The following OR2C3 variants were observed in gnomAD, a reference collection of about 807,000 sequenced individuals.
OR2C3 encodes the protein olfactory receptor family 2 subfamily C member 3, also known as olfactory receptor 2C3.
For missense variants in OR2C3, 425 were observed against 401.5 expected (o/e 1.06, Z -0.50); for synonymous variants, 178 against 163.4 (o/e 1.09, Z -0.68).
chr1:247,531,626 T>C lies in OR2C3; in HGVS notation c.886A>G (p.Thr296Ala), dbSNP rs1666960574. The C allele has an allele frequency of 6.2e-7, 1 of 1,613,998 alleles. No individual in the cohort carries two copies. Among genetic ancestry groups the C allele is most frequent in the African/African-American group, 1.3e-5 (1 of 74,910 alleles). ...LNPLIYTLRNTEVKSALRHMV... is the reference protein window; with the variant it reads ...LNPLIYTLRNAEVKSALRHMV... ...TGCCGGAGGGCGCTCTTCACCTCCG[T>C]GTTCCTCAGGGTGTAAATAAGTGGG... The change falls in exon 3 of 3, where the codon ACG (threonine) becomes GCG (alanine). Residue 296 changes from threonine to alanine, a missense_variant. By Grantham distance (58) the Thr-to-Ala change is moderately conservative. Coordinates refer to ENST00000641802, the MANE Select transcript of OR2C3 (RefSeq NM_198074.6).
At position 247,533,550 on chromosome 1, in the gene OR2C3, T is replaced by C. The variant is rs553292791; in HGVS notation, c.-73A>G. 13 of 152,350 alleles carry C rather than the reference T, an allele frequency of 8.5e-5. No individual in the cohort carries two copies. Among genetic ancestry groups the C allele is most frequent in the African/African-American group, 3.1e-4 (13 of 41,574 alleles). 9.4% of individuals were successfully genotyped at this position (152,350 alleles called of 1,614,324 possible). A position where few individuals can be genotyped will look rare whatever the true frequency, so the allele number is the denominator to read the frequency against. Reference sequence around the variant, plus strand: ...ATAAGACCTCCATTCCAGAGAGGTCTTATTGCATACCAAGAAAAAAGGAAC... The same window carrying C: ...ATAAGACCTCCATTCCAGAGAGGTCCTATTGCATACCAAGAAAAAAGGAAC... On this transcript the variant is annotated 5_prime_UTR_variant, in exon 2 of 3. An upstream open reading frame in the 5' UTR loses its in-frame stop. Coordinates refer to ENST00000641802, the MANE Select transcript of OR2C3 (RefSeq NM_198074.6).
In OR2C3 at chr1:247,529,576, G is replaced by A. The variant is rs1666824607; in HGVS notation, c.*1973C>T. On this transcript the variant is annotated 3_prime_UTR_variant, in exon 3 of 3. Coordinates refer to ENST00000641802, the MANE Select transcript of OR2C3 (RefSeq NM_198074.6). ...GACATGAGAGTGTCTCGTACATGAT[G>A]CATAATAATCCAGTTGAAGAATGTT... 2 of 152,176 alleles carry A rather than the reference G, an allele frequency of 1.3e-5. No homozygotes were observed. The highest frequency in any genetic ancestry group is 2.1e-4 in the South Asian group (1 of 4,814). 9.4% of individuals were successfully genotyped at this position (152,176 alleles called of 1,614,324 possible).
At chr1:247,534,520 A>T (rs1667138216) in intron 1 of OR2C3, among the ~76,000 whole-genome samples, 1 of 152,222 alleles carries the variant, frequency 6.6e-6, no homozygotes, top group Non-Finnish European at 1.5e-5. Context: ...AACGAGCACG[A>T]TTTAGCAGGG....
In OR2C3 at chr1:247,532,133, T is replaced by C; in HGVS notation, c.379A>G (p.Ile127Val). 6.2e-7 allele frequency: 1 copy of C among 1,614,054 alleles called. No homozygotes were observed. The highest frequency in any genetic ancestry group is 8.5e-7 in the Non-Finnish European group (1 of 1,179,998). Residue 127 changes from isoleucine to valine, a missense_variant, in exon 3 of 3, where the codon ATC becomes GTC. Ile to Val is a conservative substitution (Grantham distance 29). Transcript: ENST00000641802. ...ACAGTGTAATGGAGTGGCCTGCAGA[T>C]GGCAGCGTAGCGGTCATAGGACATG... is the stretch of plus-strand genomic sequence containing the variant. ...ATMSYDRYAA[I>V]CRPLHYTVIM...
In OR2C3 at chr1:247,533,783, CAAAT is replaced by C. The variant is rs1478161402; in HGVS notation, c.-310_-307del. ...CTCCTCTGTTATGTAAAACTATGATCAAATAAATGTGTATGTCTTTTCTCCTATG... is the reference window on the plus strand; with the variant it reads ...CTCCTCTGTTATGTAAAACTATGATCAAATGTGTATGTCTTTTCTCCTATG... On this transcript the variant is annotated 5_prime_UTR_variant, in exon 2 of 3. Transcript: ENST00000641802. 1 of 152,190 alleles carries C rather than the reference CAAAT, an allele frequency of 6.6e-6. No homozygotes were observed. The highest frequency in any genetic ancestry group is 1.5e-5 in the Non-Finnish European group (1 of 68,034). 9.4% of individuals were successfully genotyped at this position (152,190 alleles called of 1,614,324 possible).
Position 247,524,781 on chromosome 1 carries a change from G to A in OR2C3, c.*6768C>T, listed in dbSNP as rs1306258015. 6.6e-6 allele frequency: 1 copy of A among 152,022 alleles called. No individual in the cohort carries two copies. Among genetic ancestry groups the A allele is most frequent in the Non-Finnish European group, 1.5e-5 (1 of 67,992 alleles). The allele number at this position is 152,022 out of a possible 1,614,324, so 9.4% of individuals were successfully genotyped here. A position where few individuals can be genotyped will look rare whatever the true frequency, so the allele number is the denominator to read the frequency against. ...AGCAAAAGGATAAAACGTCCCACTAGAAAAACGATTCAACACTTATATGAT... is the reference window on the plus strand; with the variant it reads ...AGCAAAAGGATAAAACGTCCCACTAAAAAAACGATTCAACACTTATATGAT... On this transcript the variant is annotated 3_prime_UTR_variant, in exon 3 of 3. Transcript: ENST00000641802.
At position 247,530,373 on chromosome 1, in the gene OR2C3, A is replaced by G. The variant is rs771851686; in HGVS notation, c.*1176T>C. ...TAGGACTCGTTTGTCCTTTAGATACACTGTATACATAGATAAGTAAAACAA... is the reference window on the plus strand; with the variant it reads ...TAGGACTCGTTTGTCCTTTAGATACGCTGTATACATAGATAAGTAAAACAA... On this transcript the variant is annotated 3_prime_UTR_variant, in exon 3 of 3. Coordinates refer to ENST00000641802, the MANE Select transcript of OR2C3 (RefSeq NM_198074.6). 2 of 152,100 alleles carry G rather than the reference A, an allele frequency of 1.3e-5. No individual in the cohort carries two copies. Among genetic ancestry groups the G allele is most frequent in the African/African-American group, 4.8e-5 (2 of 41,398 alleles). 9.4% of individuals were successfully genotyped at this position (152,100 alleles called of 1,614,324 possible).
intron 1 of OR2C3, among the ~76,000 whole-genome samples, chr1:247,534,990 C>T (rs1173117372): frequency 6.6e-6 from 1 of 152,078 alleles, no homozygotes; most frequent in Non-Finnish European, 1.5e-5. Context: ...AGAAGGCATC[C>T]TGGAGAATAC....
At position 247,530,272 on chromosome 1, in the gene OR2C3, T is replaced by C. The variant is rs969083469; in HGVS notation, c.*1277A>G. 6.6e-6 allele frequency: 1 copy of C among 152,226 alleles called. No homozygotes were observed. The highest frequency in any genetic ancestry group is 2.4e-5 in the African/African-American group (1 of 41,450). The allele number at this position is 152,226 out of a possible 1,614,324, so 9.4% of individuals were successfully genotyped here. Reference sequence around the variant, plus strand: ...GCAGAGAATGAGGTTACTCTATTGATAGAGGTGAACTCTAGTGATAGGTTA... The same window carrying C: ...GCAGAGAATGAGGTTACTCTATTGACAGAGGTGAACTCTAGTGATAGGTTA... On this transcript the variant is annotated 3_prime_UTR_variant, in exon 3 of 3. Coordinates refer to ENST00000641802, the MANE Select transcript of OR2C3 (RefSeq NM_198074.6).
intron 1 of OR2C3, among the ~76,000 whole-genome samples, chr1:247,534,311 A>G (rs1667130217): frequency 6.6e-6 from 1 of 152,282 alleles, no homozygotes; most frequent in East Asian, 1.9e-4. Flanking sequence ...CCCTTAATCA[A>G]TATTCATGGA....
At position 247,530,526 on chromosome 1, in the gene OR2C3, C is replaced by CCG. The variant is rs1553302928; in HGVS notation, c.*1022_*1023insCG. The CCG allele has an allele frequency of 6.7e-6, 1 of 149,430 alleles. No homozygotes were observed. The highest frequency in any genetic ancestry group is 2.4e-5 in the African/African-American group (1 of 40,932). The allele number at this position is 149,430 out of a possible 1,614,324, so 9.3% of individuals were successfully genotyped here. A position where few individuals can be genotyped will look rare whatever the true frequency, so the allele number is the denominator to read the frequency against. Reference sequence around the variant, plus strand: ...CACAAACACCATGCCATCCCCCCCCCACAAAATAACATTTCCTATGAATTT... The same window carrying CCG: ...CACAAACACCATGCCATCCCCCCCCCCGACAAAATAACATTTCCTATGAATTT... On this transcript the variant is annotated 3_prime_UTR_variant, in exon 3 of 3. Coordinates refer to ENST00000641802, the MANE Select transcript of OR2C3 (RefSeq NM_198074.6).
rs781088292 is a variant in OR2C3, at chr1:247,531,657, C to T, written c.855G>A (p.Ala285=). 1.9e-6 allele frequency: 3 copies of T among 1,614,154 alleles called. No individual in the cohort carries two copies. Among genetic ancestry groups the T allele is most frequent in the East Asian group, 2.2e-5 (1 of 44,874 alleles). ...IALFYTVVTP[A]LNPLIYTLRN... ...TCAGGGTGTAAATAAGTGGGTTCAG[C>T]GCAGGAGTGACTACGGTGTAGAACA... Residue 285 remains alanine, a synonymous_variant, in exon 3 of 3, where the codon GCG becomes GCA. Transcript: ENST00000641802.
chr1:247,533,256 G>A (rs531308289), intron 2 of OR2C3, among the ~76,000 whole-genome samples: 212 of 152,018 alleles, frequency 1.4e-3, no homozygotes, highest in African/African-American at 4.9e-3. Context: ...AAAGTGTTGG[G>A]GCTCAGAAAA....
chr1:247,526,923 C>T lies in OR2C3; in HGVS notation c.*4626G>A, dbSNP rs1371499264. The T allele has an allele frequency of 2.2e-6, 1 of 455,730 alleles. No individual in the cohort carries two copies. The highest frequency in any genetic ancestry group is 2.4e-5 in the Admixed American group (1 of 42,434). 28.2% of individuals were successfully genotyped at this position (455,730 alleles called of 1,614,324 possible). A position where few individuals can be genotyped will look rare whatever the true frequency, so the allele number is the denominator to read the frequency against. Reference sequence around the variant, plus strand: ...ACTTCCCTCTATTTAGAAAGGTCTTCTTTCACTTTCTTTCAGGATTTACTG... The same window carrying T: ...ACTTCCCTCTATTTAGAAAGGTCTTTTTTCACTTTCTTTCAGGATTTACTG... On this transcript the variant is annotated 3_prime_UTR_variant, in exon 3 of 3. Coordinates refer to ENST00000641802, the MANE Select transcript of OR2C3 (RefSeq NM_198074.6). The surrounding 1 kb of genome is among the most constrained non-coding windows in gnomAD (Gnocchi z 4.8).
chr1:247,529,655 A>G lies in OR2C3; in HGVS notation c.*1894T>C, dbSNP rs574556583. ...GTGTGATGGTTCATTTTACATATCA[A>G]CTTGGTTGGACTATGGTGCCCAGTT... On this transcript the variant is annotated 3_prime_UTR_variant, in exon 3 of 3. Transcript: ENST00000641802. The G allele has an allele frequency of 6.6e-6, 1 of 151,288 alleles. No homozygotes were observed. Among genetic ancestry groups the G allele is most frequent in the African/African-American group, 2.4e-5 (1 of 41,140 alleles). The allele number at this position is 151,288 out of a possible 1,614,324, so 9.4% of individuals were successfully genotyped here. A position where few individuals can be genotyped will look rare whatever the true frequency, so the allele number is the denominator to read the frequency against.
rs1666864601 is a variant in OR2C3 at position 247,530,241 on chromosome 1, C to T, written c.*1308G>A. On this transcript the variant is annotated 3_prime_UTR_variant, in exon 3 of 3. Coordinates refer to ENST00000641802, the MANE Select transcript of OR2C3 (RefSeq NM_198074.6). ...TTTTGGTCTTCCCATGCCTTTGAAT[C>T]ATCAGGCAGAGAATGAGGTTACTCT... 6.6e-6 allele frequency: 1 copy of T among 152,170 alleles called. No individual in the cohort carries two copies. Among genetic ancestry groups the T allele is most frequent in the Non-Finnish European group, 1.5e-5 (1 of 68,028 alleles). 9.4% of individuals were successfully genotyped at this position (152,170 alleles called of 1,614,324 possible). A position where few individuals can be genotyped will look rare whatever the true frequency, so the allele number is the denominator to read the frequency against.
Position 247,528,241 on chromosome 1 carries a change from T to A in OR2C3, c.*3308A>T, listed in dbSNP as rs1410031901. On this transcript the variant is annotated 3_prime_UTR_variant, in exon 3 of 3. Transcript: ENST00000641802. Reference sequence around the variant, plus strand: ...TATAATTATTTTTTAAATTTCATTTTAGTTTGTTTTTAATTCACAAATAAC... The same window carrying A: ...TATAATTATTTTTTAAATTTCATTTAAGTTTGTTTTTAATTCACAAATAAC... The A allele has an allele frequency of 6.6e-6, 1 of 152,092 alleles. No individual in the cohort carries two copies. The highest frequency in any genetic ancestry group is 1.9e-4 in the East Asian group (1 of 5,204). 9.4% of individuals were successfully genotyped at this position (152,092 alleles called of 1,614,324 possible).
intron 2 of OR2C3, among the ~76,000 whole-genome samples, chr1:247,532,879 G>T (rs200888502): frequency 4.8e-5 from 7 of 144,766 alleles, no homozygotes; most frequent in African/African-American, 1.8e-4. Flanking sequence ...CTGGGTGGGG[G>T]GTGTTCACTG....
chr1:247,536,051 G>C (rs546621609), intron 1 of OR2C3, 117 bp downstream of exon 1: 1 of 152,186 alleles, frequency 6.6e-6, no homozygotes, highest in Admixed American at 6.5e-5. Flanking sequence ...TCATTTAAAC[G>C]GATCAGTGCT....
Sources: allele counts gnomAD v4.1 joint callset (sites outside exome capture counted in the v4.1 genomes callset), GRCh38; gene constraint gnomAD v4.1.1; non-coding constraint Gnocchi (gnomAD v3.1); transcripts MANE v1.5; gene names NCBI Gene and HGNC (gene_info 2026-07-23, HGNC 2026-07-21).